MDN1: variants seen among roughly 807,000 people sequenced by gnomAD.
MDN1 encodes the protein midasin.
MDN1 carries 266 observed loss-of-function variants against 669.2 expected under a neutral mutation model. That is an observed-to-expected ratio of 0.40 (90% CI 0.36 to 0.44). MDN1 has a LOEUF of 0.44. MDN1 is among the 20% of genes least tolerant of loss of function. The probability of loss-of-function intolerance (pLI) is 1.00; values close to 1 mark genes in which losing one functional copy is unlikely to be tolerated. For missense variants in MDN1, 5,940 were observed against 6,754.0 expected (o/e 0.88, Z 4.22); for synonymous variants, 2,385 against 2,457.1 (o/e 0.97, Z 0.87).
At position 89,664,643 on chromosome 6, in the gene MDN1, A is replaced by T; in HGVS notation, c.14095-15T>A. 1 of 1,585,224 alleles carries T rather than the reference A, an allele frequency of 6.3e-7. No individual in the cohort carries two copies. The highest frequency in any genetic ancestry group is 8.6e-7 in the Non-Finnish European group (1 of 1,160,394). On this transcript the variant is annotated splice_polypyrimidine_tract_variant and intron_variant, in intron 84 of 101. Coordinates refer to ENST00000369393, the MANE Select transcript of MDN1 (RefSeq NM_014611.3). The stretch of plus-strand genomic sequence containing the variant: ...GTATCTTCCACCTACATAAAGAAGT[A>T]TTAAACATAAATAAATGAAACTTTA...
In MDN1 at chr6:89,718,448, C is replaced by A. The variant is rs765669593; in HGVS notation, c.6501G>T (p.Thr2167=). Residue 2167 remains threonine (T), a synonymous_variant, in exon 43 of 102, where the codon ACG becomes ACT. Transcript: ENST00000369393. The part of the protein sequence containing the change: ...KCLGEGGKAI[T]MEIVNKLEAV... ...CTTCTAGTTTGTTGACAATCTCCAT[C>A]GTGATAGCTTTACCACCTTCTCCAA... is the stretch of plus-strand genomic sequence containing the variant. 4.3e-6 allele frequency: 7 copies of A among 1,614,078 alleles called. No individual in the cohort carries two copies. In the East Asian group the frequency reaches 1.3e-4, roughly 31 times the overall value.
chr6:89,746,844 A>G (rs1816662518), intron 27 of MDN1, among the ~76,000 whole-genome samples: 1 of 152,198 alleles, frequency 6.6e-6, no homozygotes, highest in Non-Finnish European at 1.5e-5. Flanking sequence ...AGATTCCAAA[A>G]CACTGTGTAT....
chr6:89,675,904 T>C, intron 77 of MDN1, 198 bp downstream of exon 77: 1 of 565,308 alleles, frequency 1.8e-6, no homozygotes, highest in East Asian at 2.9e-5. Context: ...CTGGCAAGTG[T>C]AACTGAATTT....
intron 83 of MDN1, among the ~76,000 whole-genome samples, chr6:89,670,178 T>C (rs1446612351): frequency 1.3e-5 from 1 of 78,148 alleles, no homozygotes; most frequent in South Asian, 4.3e-4. Context: ...ATATTTTTTT[T>C]TTTTTTTTTT....
At chr6:89,671,721 A>C (rs969164997) in intron 82 of MDN1, among the ~76,000 whole-genome samples, 1 of 152,188 alleles carries the variant, frequency 6.6e-6, no homozygotes, top group Non-Finnish European at 1.5e-5. Context: ...TTTATAAATA[A>C]ATTCTGCTGA....
At chr6:89,667,670 T>C (rs1810352315) in intron 84 of MDN1, among the ~76,000 whole-genome samples, 1 of 152,174 alleles carries the variant, frequency 6.6e-6, no homozygotes, top group Non-Finnish European at 1.5e-5. Flanking sequence ...GGCATTATTG[T>C]TTAATGCAAT....
At chr6:89,661,047 C>T (rs1464831394) in intron 88 of MDN1, among the ~76,000 whole-genome samples, 6 of 152,176 alleles carry the variant, frequency 3.9e-5, no homozygotes, top group Non-Finnish European at 8.8e-5. Context: ...ACCATCATTT[C>T]CCTAAAAAAG....
chr6:89,745,263 A>T lies in MDN1; in HGVS notation c.4178+10T>A. On this transcript the variant is annotated intron_variant, in intron 29 of 101. Coordinates refer to ENST00000369393, the MANE Select transcript of MDN1 (RefSeq NM_014611.3). ...ATGAACCCTCATGAGTCACTGTCAC[A>T]GATCTTTACCCAGTGTCTCCAACCA... 1.2e-6 allele frequency: 2 copies of T among 1,613,738 alleles called. No homozygotes were observed. The highest frequency in any genetic ancestry group is 1.7e-6 in the Non-Finnish European group (2 of 1,179,780).
chr6:89,667,275 T>C (rs1246923323), intron 84 of MDN1, among the ~76,000 whole-genome samples: 1 of 151,614 alleles, frequency 6.6e-6, no homozygotes, highest in Non-Finnish European at 1.5e-5. Flanking sequence ...AAGGACAATA[T>C]AGGTCCAAAA....
chr6:89,756,420 T>G, intron 19 of MDN1, 30 bp from the exon 20 acceptor site: 2 of 1,113,328 alleles, frequency 1.8e-6, no homozygotes, highest in Non-Finnish European at 2.6e-6. Flanking sequence ...AAACACTTTT[T>G]AGGAAGTTAA....
At chr6:89,673,153 G>A (rs764861814) in intron 80 of MDN1, 83 bp downstream of exon 80, 6 of 1,218,518 alleles carry the variant, frequency 4.9e-6, no homozygotes, top group Non-Finnish European at 7.2e-6. Flanking sequence ...AATATAATGT[G>A]TCTTTTGGAC....
intron 15 of MDN1, among the ~76,000 whole-genome samples, chr6:89,769,804 C>T (rs1475052807): frequency 6.6e-6 from 1 of 152,178 alleles, no homozygotes; most frequent in Admixed American, 6.5e-5. Flanking sequence ...AAACAACTTG[C>T]AATGGCTAAC....
chr6:89,750,607 G>T, intron 23 of MDN1, 75 bp from the exon 24 acceptor site: 1 of 1,405,062 alleles, frequency 7.1e-7, no homozygotes. Context: ...ACTGAGTATT[G>T]GTTTGTTTTG....
At position 89,727,878 on chromosome 6, in the gene MDN1, G is replaced by A; in HGVS notation, c.5427C>T (p.Pro1809=). Residue 1809 remains proline, a synonymous_variant, in exon 37 of 102, where the codon CCC becomes CCT. Transcript: ENST00000369393. ...GGCCTGCCTTCAAAGCTGCCAGTAA[G>A]GGGCCATCACGCCAGGCAAACTCTC... The part of the protein sequence containing the change: ...KGGEFAWRDG[P]LLAALKAGHW... 3 of 1,613,992 alleles carry A rather than the reference G, an allele frequency of 1.9e-6. No homozygotes were observed. Among genetic ancestry groups the A allele is most frequent in the East Asian group, 2.2e-5 (1 of 44,866 alleles).
chr6:89,724,971 C>T (rs528815215), intron 38 of MDN1, among the ~76,000 whole-genome samples: 1 of 152,298 alleles, frequency 6.6e-6, no homozygotes, highest in South Asian at 2.1e-4. Flanking sequence ...GGCTGGGGAC[C>T]TTACTTTCTT....
intron 15 of MDN1, among the ~76,000 whole-genome samples, chr6:89,766,074 G>A (rs1007694858): frequency 6.6e-6 from 1 of 152,130 alleles, no homozygotes; most frequent in African/African-American, 2.4e-5. Context: ...GCAGGCGAAT[G>A]CCTTGAGGTC....
chr6:89,719,109 G>C (rs766704561), intron 41 of MDN1, 27 bp downstream of exon 41: 4 of 1,611,824 alleles, frequency 2.5e-6, no homozygotes, highest in Non-Finnish European at 2.5e-6. Context: ...AATGTCAAAG[G>C]ATAGAGGATT....
intron 1 of MDN1, among the ~76,000 whole-genome samples, chr6:89,809,215 CAAAAAAAAAAAAAA>C (rs1167270500): frequency 1.7e-5 from 1 of 59,296 alleles, no homozygotes; most frequent in Non-Finnish European, 3.1e-5. Flanking sequence ...GACACTGTCT[CAAAAAAAAAAAAAA>C]AAAAAAAAAA....
intron 53 of MDN1, among the ~76,000 whole-genome samples, 166 bp downstream of exon 53, chr6:89,705,893 G>C (rs1461585584): frequency 6.6e-6 from 1 of 152,120 alleles, no homozygotes; most frequent in Non-Finnish European, 1.5e-5. Context: ...ATACCCCAAT[G>C]AAGATTTTAA....
Sources: allele counts gnomAD v4.1 joint callset (sites outside exome capture counted in the v4.1 genomes callset), GRCh38; gene constraint gnomAD v4.1.1; transcripts MANE v1.5; gene names NCBI Gene and HGNC (gene_info 2026-07-23, HGNC 2026-07-21).